The following NWD1 variants were observed in gnomAD, a reference collection of about 807,000 sequenced individuals.
NWD1 encodes NACHT domain- and WD repeat-containing protein 1.
Under a neutral mutation model 135.1 loss-of-function variants are expected in NWD1, and 129 were observed. That is an observed-to-expected ratio of 0.96 (90% CI 0.83 to 1.11). The LOEUF (loss-of-function observed/expected upper bound fraction) is 1.11. Ranked by LOEUF, NWD1 falls within the 50% of genes least tolerant of loss-of-function variation. The pLI is 0.00. For synonymous variants in NWD1, 773 were observed against 786.0 expected (o/e 0.98, Z 0.28); for missense variants, 1,740 against 1,851.3 (o/e 0.94, Z 1.10).
chr19:16,725,138 C>T (rs1305340217), intron 2 of NWD1, among the ~76,000 whole-genome samples: 1 of 151,842 alleles, frequency 6.6e-6, no homozygotes, highest in Non-Finnish European at 1.5e-5. Flanking sequence ...CTCAGCCTCT[C>T]GAATAGCTGG....
chr19:16,817,631 A>G lies in NWD1; in HGVS notation c.*2592A>G, dbSNP rs1293925742. On this transcript the variant is annotated 3_prime_UTR_variant, in exon 19 of 19. Coordinates refer to ENST00000524140, the MANE Select transcript of NWD1 (RefSeq NM_001007525.5). The stretch of plus-strand genomic sequence containing the variant: ...AAAAAAAAAAAAAGTAATGGCAAAA[A>G]CCACAATTAATTTTGCATCAACCTA... 1 of 151,788 alleles carries G rather than the reference A, an allele frequency of 6.6e-6. No homozygotes were observed. Among genetic ancestry groups the G allele is most frequent in the Non-Finnish European group, 1.5e-5 (1 of 67,958 alleles). 9.4% of individuals were successfully genotyped at this position (151,788 alleles called of 1,614,324 possible). A position where few individuals can be genotyped will look rare whatever the true frequency, so the allele number is the denominator to read the frequency against.
chr19:16,722,138 C>T (rs1369368850), intron 1 of NWD1, among the ~76,000 whole-genome samples: 2 of 151,386 alleles, frequency 1.3e-5, no homozygotes, highest in African/African-American at 4.8e-5. Context: ...ACAACAACAA[C>T]AACTAAAAAA....
At chr19:16,792,770 G>A (rs1329394084) in intron 14 of NWD1, among the ~76,000 whole-genome samples, 1 of 151,676 alleles carries the variant, frequency 6.6e-6, no homozygotes, top group African/African-American at 2.4e-5. Flanking sequence ...CCTGCTACTA[G>A]GGAGGCTGAG....
At chr19:16,748,507 C>T (rs1341064419) in intron 5 of NWD1, among the ~76,000 whole-genome samples, 1 of 152,024 alleles carries the variant, frequency 6.6e-6, no homozygotes, top group Admixed American at 6.6e-5. Flanking sequence ...TCTGTGTTGC[C>T]TACCCTGAGG....
At chr19:16,791,724 T>A in intron 14 of NWD1, 102 bp downstream of exon 14, 1 of 1,241,166 alleles carries the variant, frequency 8.1e-7, no homozygotes, top group Non-Finnish European at 1.1e-6. Flanking sequence ...ATCTTTGTTT[T>A]GTTTTGGAGA....
intron 11 of NWD1, among the ~76,000 whole-genome samples, chr19:16,778,745 G>C (rs957826399): frequency 1.3e-5 from 2 of 152,138 alleles, no homozygotes; most frequent in African/African-American, 4.8e-5. Context: ...CTGACCTCAA[G>C]TGATCCGCCC....
intron 7 of NWD1, among the ~76,000 whole-genome samples, chr19:16,760,989 G>C (rs1336070076): frequency 6.6e-6 from 1 of 151,990 alleles, no homozygotes; most frequent in Non-Finnish European, 1.5e-5. Flanking sequence ...TCCCCAAAAG[G>C]AGACCCTGTC....
intron 12 of NWD1, among the ~76,000 whole-genome samples, chr19:16,785,858 CT>C (rs1328380708): frequency 6.7e-6 from 1 of 149,948 alleles, no homozygotes; most frequent in East Asian, 1.9e-4. Flanking sequence ...TCCATTGACT[CT>C]TTTTTTTAAA....
chr19:16,751,304 T>C (rs1430668093), intron 6 of NWD1, among the ~76,000 whole-genome samples: 3 of 150,646 alleles, frequency 2.0e-5, no homozygotes, highest in African/African-American at 4.9e-5. Flanking sequence ...CAGGTATGGA[T>C]GAGGAGTCAA....
chr19:16,762,904 C>G (rs1287790759), intron 8 of NWD1, among the ~76,000 whole-genome samples: 1 of 152,060 alleles, frequency 6.6e-6, no homozygotes, highest in African/African-American at 2.4e-5. Flanking sequence ...CCCACTCAGC[C>G]TCCCTAGTAC....
intron 5 of NWD1, among the ~76,000 whole-genome samples, chr19:16,745,909 C>A (rs112951204): frequency 2.0e-5 from 3 of 152,074 alleles, no homozygotes; most frequent in African/African-American, 7.2e-5. Flanking sequence ...AGAGTGAGAC[C>A]CTGTCTCTAA....
rs1555718446 is a variant in NWD1 at position 16,741,368 on chromosome 19, G to GGTT, written c.199-3053_199-3052insGTT. On this transcript the variant is annotated intron_variant, in intron 4 of 18. Coordinates refer to ENST00000524140, the MANE Select transcript of NWD1 (RefSeq NM_001007525.5). ...TTTTTTTGTTTTGTTTTGTTTTTGT[G>GGTT]TTTTTTTTTTTTTTTTTGAGACAGT... Among the ~76,000 whole-genome samples, 34 of 125,004 alleles carry GGTT rather than the reference G, an allele frequency of 2.7e-4. 1 individual carries two copies. The highest frequency in any genetic ancestry group is 4.1e-3 in the Middle Eastern group (1 of 242). 82.0% of individuals were successfully genotyped at this position (125,004 alleles called of 152,430 possible).
At chr19:16,772,330 A>G (rs1246008170) in intron 10 of NWD1, among the ~76,000 whole-genome samples, 1 of 152,132 alleles carries the variant, frequency 6.6e-6, no homozygotes, top group African/African-American at 2.4e-5. Flanking sequence ...GTGCCACTGC[A>G]CTCCAGCCTG....
At chr19:16,732,221 A>G (rs1426380139) in intron 3 of NWD1, among the ~76,000 whole-genome samples, 1 of 150,286 alleles carries the variant, frequency 6.7e-6, no homozygotes, top group Non-Finnish European at 1.5e-5. Flanking sequence ...CGTCTCAAAA[A>G]AAAAAAAAAA....
Position 16,765,183 on chromosome 19 carries a change from C to A in NWD1, c.2401C>A (p.Arg801=), listed in dbSNP as rs146432139. ...LQLCRPAVEL[R]GMERSLLYTE... Reference sequence around the variant, plus strand: ...GCTCTGCCGCCCTGCTGTGGAGCTCCGAGGCATGGGTGAGTCCAGATGGCC... The same window carrying A: ...GCTCTGCCGCCCTGCTGTGGAGCTCAGAGGCATGGGTGAGTCCAGATGGCC... The change falls in exon 10 of 19, where the codon CGA becomes AGA. Residue 801 remains arginine, a synonymous_variant. Coordinates refer to ENST00000524140, the MANE Select transcript of NWD1 (RefSeq NM_001007525.5). 158 of 1,613,990 alleles carry A rather than the reference C, an allele frequency of 9.8e-5. No homozygotes were observed. In the African/African-American group the frequency reaches 1.8e-3, roughly 18 times the overall value.
At chr19:16,811,964 C>A (rs571684084) in intron 18 of NWD1, among the ~76,000 whole-genome samples, 1 of 152,214 alleles carries the variant, frequency 6.6e-6, no homozygotes, top group Non-Finnish European at 1.5e-5. Flanking sequence ...TGCAGTGAGC[C>A]GAGATCAGGC....
At chr19:16,779,486 T>A (rs776374720) in intron 12 of NWD1, 21 bp downstream of exon 12, 87 of 1,609,638 alleles carry the variant, frequency 5.4e-5, no homozygotes, top group Non-Finnish European at 7.0e-5. Context: ...GGAAGTGGGC[T>A]TTGTGGTCAG....
intron 10 of NWD1, among the ~76,000 whole-genome samples, chr19:16,769,109 A>C (rs1353402883): frequency 6.6e-6 from 1 of 152,148 alleles, no homozygotes; most frequent in East Asian, 1.9e-4. Context: ...AGGCAGGTGG[A>C]TCACTTGATG....
At chr19:16,745,471 G>A (rs908442689) in intron 5 of NWD1, among the ~76,000 whole-genome samples, 6 of 151,460 alleles carry the variant, frequency 4.0e-5, no homozygotes, top group Non-Finnish European at 8.8e-5. Context: ...GTGCCTACCT[G>A]TAATCCCAGA....
Sources: allele counts gnomAD v4.1 joint callset (sites outside exome capture counted in the v4.1 genomes callset), GRCh38; gene constraint gnomAD v4.1.1; transcripts MANE v1.5; gene names NCBI Gene and HGNC (gene_info 2026-07-23, HGNC 2026-07-21).